Variants in MMP24 observed in about 807,000 individuals in gnomAD.
MMP24 encodes matrix metallopeptidase 24.
In MMP24, 25 loss-of-function variants were observed where a neutral mutation model predicts 62.8. The ratio of observed to expected loss-of-function variants is 0.40; its 90% CI spans 0.29 to 0.56. The LOEUF (loss-of-function observed/expected upper bound fraction) is 0.56. MMP24 is among the 20% of genes least tolerant of loss of function. The probability of loss-of-function intolerance (pLI) is 0.50; values close to 1 mark genes in which losing one functional copy is unlikely to be tolerated. For missense variants in MMP24, 634 were observed against 853.6 expected (o/e 0.74, Z 3.21); for synonymous variants, 319 against 350.5 (o/e 0.91, Z 1.00).
chr20:35,236,192 C>T (rs1456573715), intron 1 of MMP24: 1 of 151,362 alleles, frequency 6.6e-6, no homozygotes, highest in East Asian at 1.9e-4. Context: ...TTTAGATTGG[C>T]TGTAAGTGAA....
At chr20:35,232,762 A>C (rs2060443451) in intron 1 of MMP24, among the ~76,000 whole-genome samples, 1 of 152,102 alleles carries the variant, frequency 6.6e-6, no homozygotes. Flanking sequence ...GTATAAGGAG[A>C]AGAGGCTGGA....
intron 1 of MMP24, among the ~76,000 whole-genome samples, chr20:35,235,415 G>C (rs763291348): frequency 6.6e-6 from 1 of 152,036 alleles, no homozygotes; most frequent in African/African-American, 2.4e-5. Context: ...AAAAAATTAG[G>C]CCAGGTGCAG....
At chr20:35,245,134 C>G (rs1414956402) in intron 1 of MMP24, among the ~76,000 whole-genome samples, 1 of 152,174 alleles carries the variant, frequency 6.6e-6, no homozygotes, top group Non-Finnish European at 1.5e-5. Flanking sequence ...TCAAGCGATC[C>G]TCCTGCCTCA....
At chr20:35,229,597 C>T (rs959622717) in intron 1 of MMP24, among the ~76,000 whole-genome samples, 3 of 152,086 alleles carry the variant, frequency 2.0e-5, no homozygotes, top group Non-Finnish European at 2.9e-5. Context: ...TGATTGACAC[C>T]TTATAGAAAT....
Position 35,276,432 on chromosome 20 carries a change from G to GT in MMP24, c.*1824dup, listed in dbSNP as rs2060706815. 2.5e-6 allele frequency: 1 copy of GT among 397,720 alleles called. No individual in the cohort carries two copies. The highest frequency in any genetic ancestry group is 4.4e-5 in the Admixed American group (1 of 22,700). The allele number at this position is 397,720 out of a possible 1,614,324, so 24.6% of individuals were successfully genotyped here. A position where few individuals can be genotyped will look rare whatever the true frequency, so the allele number is the denominator to read the frequency against. On this transcript the variant is annotated 3_prime_UTR_variant, in exon 9 of 9. Transcript: ENST00000246186. The stretch of plus-strand genomic sequence containing the variant: ...CGTGTTAGGCCCTGGGAGGCCGACG[G>GT]TAACTCTCACCGTGCCCTCAGATGA...
At position 35,263,855 on chromosome 20, in the gene MMP24, C is replaced by T. The variant is rs768177318; in HGVS notation, c.882C>T (p.Ser294=). ...LGHALGLEHS[S]DPSAIMAPFY... The stretch of plus-strand genomic sequence containing the variant: ...ACGCGCTGGGACTGGAGCACTCCAG[C>T]GACCCCAGCGCCATCATGGCGCCCT... Residue 294 remains serine (S), a synonymous_variant, in exon 5 of 9, where the codon AGC becomes AGT. Coordinates refer to ENST00000246186, the MANE Select transcript of MMP24 (RefSeq NM_006690.4). The T allele has an allele frequency of 1.9e-6, 3 of 1,611,244 alleles. No homozygotes were observed. Among genetic ancestry groups the T allele is most frequent in the East Asian group, 2.2e-5 (1 of 44,728 alleles).
chr20:35,250,874 C>T (rs1052902217), intron 2 of MMP24, among the ~76,000 whole-genome samples: 3 of 152,136 alleles, frequency 2.0e-5, no homozygotes, highest in Non-Finnish European at 2.9e-5. Flanking sequence ...TCCCACCAGG[C>T]CCCGCCTCCA....
rs2146237056 is a variant in MMP24, at chr20:35,267,202, C to T, written c.980-3C>T. The T allele has an allele frequency of 6.3e-7, 1 of 1,581,402 alleles. No individual in the cohort carries two copies. Among genetic ancestry groups the T allele is most frequent in the Non-Finnish European group, 8.6e-7 (1 of 1,165,094 alleles). ...CTCTCTAAGATGCAGCTCCTCTCTC[C>T]AGGACCCCCAGCCGAGCCTCTGGAG... On this transcript the variant is annotated splice_region_variant and splice_polypyrimidine_tract_variant and intron_variant, in intron 5 of 8. Transcript: ENST00000246186.
chr20:35,262,192 GAA>G (rs2060607345), intron 4 of MMP24, among the ~76,000 whole-genome samples: 2 of 152,122 alleles, frequency 1.3e-5, no homozygotes, highest in Non-Finnish European at 2.9e-5. Context: ...ACTTAGGAAA[GAA>G]AAAGACACAG....
intron 4 of MMP24, among the ~76,000 whole-genome samples, chr20:35,260,223 C>T (rs558155695): frequency 1.3e-5 from 2 of 152,202 alleles, no homozygotes; most frequent in African/African-American, 4.8e-5. Context: ...TCTGTCTCCC[C>T]CTCAGGGCTC....
chr20:35,263,973 GGACTGCTCCTTCCTCGGGGCTGGGCTGT>G lies in MMP24; in HGVS notation c.979+28_979+55del. 2.5e-6 allele frequency: 4 copies of G among 1,579,900 alleles called. No individual in the cohort carries two copies. The East Asian group carries it at 9.2e-5, about 36-fold the overall frequency. Reference sequence around the variant, plus strand: ...CTATGGTGTGTGGCAGGGAGAGGGGGGACTGCTCCTTCCTCGGGGCTGGGCTGTGACTGCCTACCTGTCATGGGGCAGG... The same window carrying G: ...CTATGGTGTGTGGCAGGGAGAGGGGGGACTGCCTACCTGTCATGGGGCAGG... On this transcript the variant is annotated intron_variant, in intron 5 of 8. Transcript: ENST00000246186.
In MMP24 at chr20:35,264,094, CT is replaced by C. The variant is rs1228218894; in HGVS notation, c.979+144del. 2.6e-5 allele frequency: 25 copies of C among 948,292 alleles called. No individual in the cohort carries two copies. In the Admixed American group the frequency reaches 2.9e-4, roughly 11 times the overall value. 58.7% of individuals were successfully genotyped at this position (948,292 alleles called of 1,614,324 possible). On this transcript the variant is annotated intron_variant, in intron 5 of 8. Transcript: ENST00000246186. ...TTTCTCTGTGTGTGACCTTTACAGA[CT>C]TCCAATGGCTTTGCCTGGCCAGAGG...
intron 1 of MMP24, among the ~76,000 whole-genome samples, chr20:35,240,728 C>A (rs2060484937): frequency 6.6e-6 from 1 of 152,172 alleles, no homozygotes; most frequent in Non-Finnish European, 1.5e-5. Context: ...ATTACTAAAT[C>A]TTCCCAAGAT....
chr20:35,249,854 A>C (rs1176393487), intron 2 of MMP24, among the ~76,000 whole-genome samples: 1 of 152,012 alleles, frequency 6.6e-6, no homozygotes, highest in African/African-American at 2.4e-5. Context: ...CGGCCTCCCA[A>C]AGTGCTGGGA....
At chr20:35,266,405 C>T (rs1458618073) in intron 5 of MMP24, among the ~76,000 whole-genome samples, 2 of 141,878 alleles carry the variant, frequency 1.4e-5, no homozygotes, top group Non-Finnish European at 3.1e-5. Flanking sequence ...GCTTCCTGAA[C>T]ATCCAGTTTG....
At position 35,264,934 on chromosome 20, in the gene MMP24, C is replaced by A. The variant is rs150539388; in HGVS notation, c.979+982C>A. Among the ~76,000 whole-genome samples, 517 of 152,228 alleles carry A rather than the reference C, an allele frequency of 3.4e-3. 1 individual carries two copies. The highest frequency in any genetic ancestry group is 0.011 in the African/African-American group (461 of 41,530). On this transcript the variant is annotated intron_variant, in intron 5 of 8. Transcript: ENST00000246186. ...ACAGGCACCCACAGCCCACAGGCTA[C>A]GGAGCACAGAAGGAGGGCTCCCTCT...
At chr20:35,227,611 G>A (rs1397669125) in intron 1 of MMP24, among the ~76,000 whole-genome samples, 1 of 152,130 alleles carries the variant, frequency 6.6e-6, no homozygotes, top group East Asian at 1.9e-4. Context: ...TCACTGGCAT[G>A]TGCAAGTAAA....
chr20:35,241,962 C>T (rs1188413245), intron 1 of MMP24, among the ~76,000 whole-genome samples: 1 of 152,130 alleles, frequency 6.6e-6, no homozygotes. Flanking sequence ...CAGTAGAGTC[C>T]GTTGGCAGAT....
intron 3 of MMP24, among the ~76,000 whole-genome samples, chr20:35,253,234 G>A (rs73263714): frequency 0.029 from 4,216 of 147,360 alleles, 208 homozygotes; most frequent in African/African-American, 0.098. Flanking sequence ...TGAACTAAGG[G>A]CTCCCCTGCT....
Sources: allele counts gnomAD v4.1 joint callset (sites outside exome capture counted in the v4.1 genomes callset), GRCh38; gene constraint gnomAD v4.1.1; transcripts MANE v1.5; gene names NCBI Gene and HGNC (gene_info 2026-07-23, HGNC 2026-07-21).